The following SOX5 variants were observed in gnomAD, a reference collection of about 807,000 sequenced individuals.
SOX5 encodes SRY-box transcription factor 5, also known as transcription factor SOX-5.
In SOX5, 9 loss-of-function variants were observed where a neutral mutation model predicts 92.0. The ratio of observed to expected loss-of-function variants is 0.10; its 90% CI spans 0.06 to 0.17. The LOEUF is 0.17. SOX5 is among the 10% of genes least tolerant of loss of function. The pLI is 1.00. For synonymous variants in SOX5, 344 were observed against 336.3 expected, an observed-to-expected ratio of 1.02 and a Z score of -0.25; for missense variants, 642 against 944.5, an observed-to-expected ratio of 0.68 and a Z score of 4.20.
At chr12:24,555,733 T>C (rs2139016786) in intron 1 of SOX5, among the ~76,000 whole-genome samples, 1 of 152,212 alleles carries the variant, frequency 6.6e-6, no homozygotes, top group Middle Eastern at 3.4e-3. Flanking sequence ...TTGCCAGGTC[T>C]CATGTGTGTG....
intron 8 of SOX5, among the ~76,000 whole-genome samples, chr12:23,605,525 T>A (rs1353891981): frequency 2.0e-5 from 3 of 151,004 alleles, no homozygotes; most frequent in African/African-American, 7.3e-5. Context: ...GTTTCTTATT[T>A]CTCATTTGTC....
At chr12:23,849,069 A>C (rs2096603919) in intron 2 of SOX5, among the ~76,000 whole-genome samples, 1 of 152,192 alleles carries the variant, frequency 6.6e-6, no homozygotes, top group Non-Finnish European at 1.5e-5. Flanking sequence ...CGAAAGAAAT[A>C]TTATTTCAAC....
At chr12:23,640,653 C>T (rs1375668044) in intron 8 of SOX5, among the ~76,000 whole-genome samples, 159 bp downstream of exon 8, 1 of 152,108 alleles carries the variant, frequency 6.6e-6, no homozygotes, top group African/African-American at 2.4e-5. Context: ...TTAAGAGAAT[C>T]AACATTTCAA....
At position 23,843,695 on chromosome 12, in the gene SOX5, C is replaced by G. The variant is rs377049660; in HGVS notation, c.481+2288G>C. ...TGTCCTGCCTCGGCTGCTCAAGTAG[C>G]TGGGACTACAGGCACACACCACCAT... On this transcript the variant is annotated intron_variant, in intron 3 of 14. Transcript: ENST00000451604. 2.0e-3 allele frequency among the ~76,000 whole-genome samples: 305 copies of G among 150,328 alleles called. 2 individuals carry two copies. The highest frequency in any genetic ancestry group is 6.9e-3 in the African/African-American group (283 of 40,906).
Position 24,518,450 on chromosome 12 carries a change from A to G in SOX5, c.-251+43879T>C, listed in dbSNP as rs149636355. Reference sequence around the variant, plus strand: ...TCTCCCATTGTTACTTAATCAGAAAATGTTGGAAAAAAGAAGTGATAAAGA... The same window carrying G: ...TCTCCCATTGTTACTTAATCAGAAAGTGTTGGAAAAAAGAAGTGATAAAGA... On this transcript the variant is annotated intron_variant, in intron 1 of 4. Coordinates refer to the SOX5 transcript ENST00000446891. 6.0e-3 allele frequency among the ~76,000 whole-genome samples: 916 copies of G among 152,258 alleles called. 11 individuals carry two copies. The highest frequency in any genetic ancestry group is 0.021 in the African/African-American group (873 of 41,532).
In SOX5 at chr12:24,158,372, G is replaced by A. The variant is rs546429625; in HGVS notation, c.-2+54971C>T. ...GGGAAATATTTTACAAAATAAATAC[G>A]ACTGAATTATTGCTGCTCAGGAGGT... On this transcript the variant is annotated intron_variant, in intron 4 of 4. Coordinates refer to the SOX5 transcript ENST00000446891. Among the ~76,000 whole-genome samples, 11 of 151,858 alleles carry A rather than the reference G, an allele frequency of 7.2e-5. No homozygotes were observed. In the South Asian group the frequency reaches 1.9e-3, roughly 26 times the overall value.
chr12:23,665,777 G>A (rs1009268220), intron 6 of SOX5, among the ~76,000 whole-genome samples: 2 of 152,116 alleles, frequency 1.3e-5, no homozygotes, highest in Admixed American at 6.6e-5. Flanking sequence ...TTATTAAGTC[G>A]ACTCTCTAAC....
chr12:23,948,012 T>C (rs1458626103), intron 1 of SOX5, among the ~76,000 whole-genome samples: 1 of 152,086 alleles, frequency 6.6e-6, no homozygotes, highest in Non-Finnish European at 1.5e-5. Context: ...AACTTAACTG[T>C]GTTAAATTAG....
chr12:24,401,151 A>G (rs1961446810), intron 1 of SOX5, among the ~76,000 whole-genome samples: 2 of 152,080 alleles, frequency 1.3e-5, no homozygotes, highest in South Asian at 4.1e-4. Flanking sequence ...CAGGAGTTCA[A>G]GACCAACCTG....
At chr12:24,350,588 C>T (rs1241140593) in intron 2 of SOX5, among the ~76,000 whole-genome samples, 2 of 152,166 alleles carry the variant, frequency 1.3e-5, no homozygotes, top group African/African-American at 4.8e-5. Flanking sequence ...AAGCGAGCCT[C>T]CTGCTTTGGC....
At chr12:23,614,680 G>T (rs1227875944) in intron 8 of SOX5, among the ~76,000 whole-genome samples, 3 of 152,170 alleles carry the variant, frequency 2.0e-5, no homozygotes, top group Admixed American at 6.5e-5. Flanking sequence ...TCCTAGGATT[G>T]GATTTGTTGA....
At chr12:24,308,649 G>A (rs993523188) in intron 2 of SOX5, among the ~76,000 whole-genome samples, 3 of 152,126 alleles carry the variant, frequency 2.0e-5, no homozygotes, top group Admixed American at 6.5e-5. Flanking sequence ...CACATTACCT[G>A]GCACTCAGAA....
rs867685969 is a variant in SOX5 at position 23,883,063 on chromosome 12, C to G, written c.270+12730G>C. On this transcript the variant is annotated intron_variant, in intron 2 of 14. Transcript: ENST00000451604. Reference sequence around the variant, plus strand: ...GGGCATAGTGGCGGGTGCCTGTAGTCCCAGCTACTCAGGAGGCTGCGGCAG... The same window carrying G: ...GGGCATAGTGGCGGGTGCCTGTAGTGCCAGCTACTCAGGAGGCTGCGGCAG... Among the ~76,000 whole-genome samples, 243 of 149,490 alleles carry G rather than the reference C, an allele frequency of 1.6e-3. 2 individuals are homozygous for G. The highest frequency in any genetic ancestry group is 5.7e-3 in the African/African-American group (224 of 39,200).
intron 4 of SOX5, among the ~76,000 whole-genome samples, chr12:24,111,735 GA>G (rs1397730374): frequency 6.6e-6 from 1 of 151,950 alleles, no homozygotes; most frequent in Non-Finnish European, 1.5e-5. Context: ...TTAAACCTTA[GA>G]ATTCTTCATG....
chr12:23,668,211 T>C (rs922050561), intron 6 of SOX5, among the ~76,000 whole-genome samples: 1 of 152,156 alleles, frequency 6.6e-6, no homozygotes, highest in South Asian at 2.1e-4. Flanking sequence ...GAATCAGTAA[T>C]AAATATTAAA....
At chr12:23,979,343 C>T (rs1180851655) in intron 4 of SOX5, among the ~76,000 whole-genome samples, 3 of 152,148 alleles carry the variant, frequency 2.0e-5, no homozygotes, top group Non-Finnish European at 4.4e-5. Context: ...CCTGCCTTAG[C>T]CTCCTGAGTA....
intron 4 of SOX5, among the ~76,000 whole-genome samples, chr12:24,204,386 T>C (rs1419468537): frequency 6.6e-6 from 1 of 151,956 alleles, no homozygotes; most frequent in African/African-American, 2.4e-5. Context: ...TGGAGTGCAG[T>C]GGCACAATTC....
intron 4 of SOX5, among the ~76,000 whole-genome samples, chr12:23,973,910 G>T (rs1474665442): frequency 6.6e-6 from 1 of 152,116 alleles, no homozygotes; most frequent in East Asian, 1.9e-4. Context: ...AATCCGAGTG[G>T]AACAGTTTCA....
At chr12:23,990,530 T>G (rs979549294) in intron 4 of SOX5, among the ~76,000 whole-genome samples, 4 of 152,210 alleles carry the variant, frequency 2.6e-5, no homozygotes, top group Non-Finnish European at 5.9e-5. Context: ...TTTTGAAAAC[T>G]GCATCGCATT....
Sources: gnomAD v4.1 joint callset for allele counts (sites outside exome capture counted in the v4.1 genomes callset) on GRCh38, gnomAD v4.1.1 for gene constraint, MANE v1.5 for transcripts, NCBI Gene and HGNC (gene_info 2026-07-23, HGNC 2026-07-21) for gene names.